MIA2: variants seen among roughly 807,000 people sequenced by gnomAD.
The protein encoded by MIA2 is melanoma inhibitory activity protein 2.
In MIA2, 127 loss-of-function variants were observed where a neutral mutation model predicts 167.8. That is an observed-to-expected ratio of 0.76 (90% confidence interval 0.66 to 0.88). The LOEUF (loss-of-function observed/expected upper bound fraction) is 0.88. Ranked by LOEUF, MIA2 falls within the 40% of genes least tolerant of loss-of-function variation. The probability of loss-of-function intolerance (pLI) is 0.00; values close to 1 mark genes in which losing one functional copy is unlikely to be tolerated. For synonymous variants in MIA2, 552 were observed against 541.9 expected, an observed-to-expected ratio of 1.02 and a Z score of -0.26; for missense variants, 1,690 against 1,624.7, an observed-to-expected ratio of 1.04 and a Z score of -0.69.
intron 25 of MIA2, among the ~76,000 whole-genome samples, chr14:39,332,554 G>GT (rs757382654): frequency 4.6e-5 from 7 of 152,114 alleles, no homozygotes; most frequent in Non-Finnish European, 7.4e-5. Flanking sequence ...TTTTTGCCTG[G>GT]TTTTTCCTCA....
chr14:39,277,125 T>C (rs563175728), intron 7 of MIA2, 60 bp downstream of exon 7: 1 of 1,529,532 alleles, frequency 6.5e-7, no homozygotes, highest in South Asian at 1.2e-5. Flanking sequence ...GAACAAATAA[T>C]ATGAGAAACA....
chr14:39,270,990 C>T (rs1235325637), intron 6 of MIA2, among the ~76,000 whole-genome samples: 4 of 152,052 alleles, frequency 2.6e-5, no homozygotes, highest in African/African-American at 4.8e-5. Context: ...ATCTTTTCTT[C>T]CTTTGGTTGC....
chr14:39,327,102 G>GT, intron 25 of MIA2, 80 bp downstream of exon 25: 1 of 1,102,610 alleles, frequency 9.1e-7, no homozygotes, highest in Non-Finnish European at 1.2e-6. Context: ...GAAGGGAGGA[G>GT]TATATGTTTG....
intron 6 of MIA2, among the ~76,000 whole-genome samples, chr14:39,256,859 C>T (rs754858225): frequency 3.3e-5 from 5 of 152,078 alleles, no homozygotes; most frequent in Admixed American, 3.3e-4. Context: ...GAGAAGGAAG[C>T]AACAATTCAA....
At chr14:39,234,354 G>A in intron 1 of MIA2, 125 bp downstream of exon 1, 1 of 529,874 alleles carries the variant, frequency 1.9e-6, no homozygotes, top group Non-Finnish European at 3.2e-6. Context: ...GGATTATGAA[G>A]TACAGCTTGG....
chr14:39,328,399 C>T (rs890457629), intron 25 of MIA2, among the ~76,000 whole-genome samples: 2 of 152,104 alleles, frequency 1.3e-5, no homozygotes. Context: ...CAAAAATTTT[C>T]TCCCATTCTG....
intron 18 of MIA2, among the ~76,000 whole-genome samples, chr14:39,311,512 GCGATGCC>G (rs2064266069): frequency 8.1e-6 from 1 of 124,026 alleles, no homozygotes; most frequent in Non-Finnish European, 1.6e-5. Flanking sequence ...AAGTCTTGCT[GCGATGCC>G]CAGGCTGGAG....
chr14:39,374,078 G>A (rs2075002246), intron 23 of MIA2, among the ~76,000 whole-genome samples: 1 of 152,118 alleles, frequency 6.6e-6, no homozygotes, highest in Non-Finnish European at 1.5e-5. Flanking sequence ...ATAAATAAAT[G>A]GAAATTATGG....
intron 21 of MIA2, among the ~76,000 whole-genome samples, chr14:39,316,528 C>G (rs2065475829): frequency 6.6e-6 from 1 of 152,174 alleles, no homozygotes; most frequent in African/African-American, 2.4e-5. Context: ...GCCTGACACA[C>G]AGTATACATT....
chr14:39,312,292 A>C (rs1316137719), intron 18 of MIA2, among the ~76,000 whole-genome samples: 3 of 150,356 alleles, frequency 2.0e-5, no homozygotes, highest in Non-Finnish European at 4.5e-5. Context: ...AGTCTGTAAA[A>C]ACACATCTCT....
rs1017186619 is a variant in MIA2, at chr14:39,301,017, T to C, written c.2619+1031T>C. On this transcript the variant is annotated intron_variant, in intron 14 of 28. Transcript: ENST00000640607. ...ACATATATACATATATACACATATA[T>C]ACACACATATATACATATACATACA... Among the ~76,000 whole-genome samples, 3 of 144,022 alleles carry C rather than the reference T, an allele frequency of 2.1e-5. No homozygotes were observed. The Admixed American group carries it at 2.1e-4, about 10-fold the overall frequency. The allele number at this position is 144,022 out of a possible 152,430, so 94.5% of individuals were successfully genotyped here.
chr14:39,316,654 C>G (rs186847986), intron 21 of MIA2, among the ~76,000 whole-genome samples: 1 of 152,080 alleles, frequency 6.6e-6, no homozygotes, highest in Non-Finnish European at 1.5e-5. Context: ...ATGTCTAGGT[C>G]CTCCTCAGTT....
intron 7 of MIA2, among the ~76,000 whole-genome samples, chr14:39,277,585 G>A (rs2058187799): frequency 6.7e-6 from 1 of 148,466 alleles, no homozygotes; most frequent in Non-Finnish European, 1.5e-5. Flanking sequence ...CTGGGCTCAA[G>A]TGATCCTCCT....
chr14:39,349,059 GT>G lies in MIA2; in HGVS notation c.4072+83del. On this transcript the variant is annotated intron_variant, in intron 28 of 28. Transcript: ENST00000640607. ...TTTAATTTTACTATCTGTTAATGTA[GT>G]AACACAGTGGAGGAAAGTTTTTTCT... is the stretch of plus-strand genomic sequence containing the variant. The G allele has an allele frequency of 2.0e-6, 3 of 1,483,086 alleles. No homozygotes were observed. The Admixed American group carries it at 5.9e-5, about 29-fold the overall frequency. 91.9% of individuals were successfully genotyped at this position (1,483,086 alleles called of 1,614,324 possible). A position where few individuals can be genotyped will look rare whatever the true frequency, so the allele number is the denominator to read the frequency against.
chr14:39,386,643 G>T, intron 23 of MIA2: 2 of 1,047,992 alleles, frequency 1.9e-6, no homozygotes, highest in Non-Finnish European at 2.9e-6. Context: ...AGTCTGATCT[G>T]TGACAGCTTT....
chr14:39,277,764 A>ATATGTGTG (rs2058358350), intron 7 of MIA2, among the ~76,000 whole-genome samples: 3 of 31,780 alleles, frequency 9.4e-5, no homozygotes, highest in African/African-American at 1.3e-4. Flanking sequence ...ATATATATAT[A>ATATGTGTG]TATATATATA....
intron 9 of MIA2, among the ~76,000 whole-genome samples, 193 bp from the exon 10 acceptor site, chr14:39,290,825 TG>T (rs1291314442): frequency 2.6e-5 from 4 of 152,216 alleles, no homozygotes; most frequent in African/African-American, 7.2e-5. Flanking sequence ...CCAGAGCTAG[TG>T]GTTTGTGATG....
At chr14:39,349,965 A>G (rs1024364065) in intron 28 of MIA2, 133 bp from the exon 29 acceptor site, 2 of 445,886 alleles carry the variant, frequency 4.5e-6, no homozygotes, top group South Asian at 7.3e-5. Flanking sequence ...TTAATTTGTT[A>G]GATCAAGTAA....
intron 23 of MIA2, among the ~76,000 whole-genome samples, chr14:39,367,486 T>G (rs1463925654): frequency 6.6e-6 from 1 of 152,196 alleles, no homozygotes; most frequent in Non-Finnish European, 1.5e-5. Context: ...AGGCAGCTCC[T>G]TATGCTAGCT....
Sources: gnomAD v4.1 joint callset for allele counts (sites outside exome capture counted in the v4.1 genomes callset) on GRCh38, gnomAD v4.1.1 for gene constraint, MANE v1.5 for transcripts, NCBI Gene and HGNC (gene_info 2026-07-23, HGNC 2026-07-21) for gene names.